The following STK24 variants were observed in gnomAD, a reference collection of about 807,000 sequenced individuals.
The protein encoded by STK24 is serine/threonine kinase 24.
Under a neutral mutation model 55.6 loss-of-function variants are expected in STK24, and 21 were observed. The observed-to-expected ratio is 0.38, with a 90% CI of 0.27 to 0.54. STK24 has a LOEUF of 0.54. STK24 is among the 20% of genes least tolerant of loss of function. The pLI, the probability that STK24 is intolerant of heterozygous loss-of-function variation, is 0.79. For synonymous variants in STK24, 200 were observed against 215.2 expected, an observed-to-expected ratio of 0.93 and a Z score of 0.62; for missense variants, 383 against 538.4, an observed-to-expected ratio of 0.71 and a Z score of 2.86.
intron 1 of STK24, among the ~76,000 whole-genome samples, chr13:98,524,819 A>G (rs1336863274): frequency 1.3e-5 from 2 of 152,176 alleles, no homozygotes; most frequent in South Asian, 2.1e-4. Context: ...GGCTTAGAAA[A>G]CAGCAATTTT....
intron 1 of STK24, among the ~76,000 whole-genome samples, chr13:98,568,667 G>T (rs1245726229): frequency 6.6e-6 from 1 of 151,986 alleles, no homozygotes; most frequent in East Asian, 1.9e-4. Context: ...AGGAGTTCGA[G>T]ACCTGCCTGC....
intron 1 of STK24, among the ~76,000 whole-genome samples, chr13:98,532,614 T>TA (rs1019009875): frequency 2.6e-5 from 4 of 152,170 alleles, no homozygotes; most frequent in Non-Finnish European, 5.9e-5. Context: ...GTCTCCAAAA[T>TA]AAAAATCAGT....
chr13:98,477,072 G>A (rs568977805), intron 3 of STK24, among the ~76,000 whole-genome samples: 24 of 152,288 alleles, frequency 1.6e-4, no homozygotes, highest in Admixed American at 1.0e-3. Flanking sequence ...AAGGCATTAC[G>A]CCACAGACTC....
intron 2 of STK24, among the ~76,000 whole-genome samples, chr13:98,503,056 T>C (rs1040693774): frequency 5.1e-5 from 7 of 138,372 alleles, no homozygotes; most frequent in African/African-American, 2.0e-4. Context: ...ATGGTACAAC[T>C]GACCACCAAC....
chr13:98,564,014 C>T (rs1191254547), intron 1 of STK24, among the ~76,000 whole-genome samples: 1 of 152,068 alleles, frequency 6.6e-6, no homozygotes, highest in Non-Finnish European at 1.5e-5. Flanking sequence ...AAATCCAGTA[C>T]ACCCTAATAA....
chr13:98,500,422 G>C (rs184802860), intron 2 of STK24, among the ~76,000 whole-genome samples: 31 of 152,254 alleles, frequency 2.0e-4, no homozygotes, highest in African/African-American at 7.2e-4. Flanking sequence ...GAGAGGGGAG[G>C]GGTGTCCCAC....
intron 1 of STK24, chr13:98,575,898 A>C (rs1897877371): frequency 2.4e-6 from 1 of 414,270 alleles, no homozygotes; most frequent in Admixed American, 6.4e-5. Context: ...GAAAACAACA[A>C]CAACAAAAAA....
In STK24 at chr13:98,576,613, C is replaced by G. The variant is rs1039344789; in HGVS notation, c.42+132G>C. 1.6e-5 allele frequency: 11 copies of G among 684,214 alleles called. No individual in the cohort carries two copies. In the Admixed American group the frequency reaches 5.2e-4, roughly 33 times the overall value. The allele number at this position is 684,214 out of a possible 1,614,324, so 42.4% of individuals were successfully genotyped here. On this transcript the variant is annotated intron_variant, in intron 1 of 10. Coordinates refer to ENST00000539966, the MANE Select transcript of STK24 (RefSeq NM_001032296.4). ...ACTCGGACTCGGACCCCCGGCCGAGCCGGGCGCGCGGGGAGCCAGGCTCCG... is the reference window on the plus strand; with the variant it reads ...ACTCGGACTCGGACCCCCGGCCGAGGCGGGCGCGCGGGGAGCCAGGCTCCG...
intron 3 of STK24, among the ~76,000 whole-genome samples, chr13:98,481,609 A>G (rs1298752438): frequency 6.6e-6 from 1 of 152,248 alleles, no homozygotes; most frequent in Non-Finnish European, 1.5e-5. Flanking sequence ...ATGAGATAAC[A>G]GCCCTACAAA....
chr13:98,564,134 G>T (rs1897505364), intron 1 of STK24, among the ~76,000 whole-genome samples: 1 of 152,106 alleles, frequency 6.6e-6, no homozygotes. Flanking sequence ...CCCAAACATT[G>T]AAAACTCTAC....
At chr13:98,467,353 G>A (rs4294654) in intron 5 of STK24, among the ~76,000 whole-genome samples, 38,465 of 151,910 alleles carry the variant, frequency 0.25, 4,992 homozygotes, top group Non-Finnish European at 0.29. Flanking sequence ...ACCTATCAGT[G>A]CCTGAAATTA....
intron 10 of STK24, chr13:98,454,634 G>GCTT (rs1893364962): frequency 6.6e-6 from 1 of 152,206 alleles, no homozygotes; most frequent in Non-Finnish European, 1.5e-5. Flanking sequence ...CTCTGAAAAT[G>GCTT]CTTCAGAGGA....
intron 1 of STK24, among the ~76,000 whole-genome samples, chr13:98,573,902 G>A (rs1420187844): frequency 1.3e-5 from 2 of 152,028 alleles, no homozygotes; most frequent in Non-Finnish European, 2.9e-5. Context: ...AGAATCAAGA[G>A]GCATAAAAAT....
At position 98,446,221 on chromosome 13, in the gene STK24, A is replaced by C. The variant is rs1431110504; in HGVS notation, c.*6952T>G. On this transcript the variant is annotated 3_prime_UTR_variant, in exon 11 of 11. Transcript: ENST00000539966. ...ATCACACCAGGTAAGTGTCTCGCAC[A>C]GGGCAGGTGGCCCTGGGACCTTGGG... 6.4e-7 allele frequency: 1 copy of C among 1,562,242 alleles called. No homozygotes were observed. Among genetic ancestry groups the C allele is most frequent in the South Asian group, 1.1e-5 (1 of 89,638 alleles).
chr13:98,507,195 A>G (rs1321289305), intron 2 of STK24, among the ~76,000 whole-genome samples: 1 of 152,260 alleles, frequency 6.6e-6, no homozygotes, highest in East Asian at 1.9e-4. Context: ...TAGAAGGAGA[A>G]CACACCACTG....
intron 1 of STK24, among the ~76,000 whole-genome samples, chr13:98,541,193 G>A (rs1236941642): frequency 6.6e-6 from 1 of 152,256 alleles, no homozygotes; most frequent in African/African-American, 2.4e-5. Flanking sequence ...ATAAGCTCTG[G>A]AAAACTTTGT....
At chr13:98,470,338 C>G (rs1894096061) in intron 5 of STK24, among the ~76,000 whole-genome samples, 1 of 152,114 alleles carries the variant, frequency 6.6e-6, no homozygotes, top group African/African-American at 2.4e-5. Flanking sequence ...GCTTTGTTGC[C>G]CAGGTTGGTC....
chr13:98,457,049 G>T, intron 10 of STK24, 119 bp downstream of exon 10: 1 of 1,221,466 alleles, frequency 8.2e-7, no homozygotes, highest in Non-Finnish European at 1.1e-6. Flanking sequence ...TGTCTACCCT[G>T]AGGCCTGCAA....
At chr13:98,525,882 G>A (rs1269158853) in intron 1 of STK24, among the ~76,000 whole-genome samples, 3 of 152,250 alleles carry the variant, frequency 2.0e-5, no homozygotes, top group East Asian at 3.8e-4. Flanking sequence ...GAAGGCACTC[G>A]AATACTGATT....
Sources: gnomAD v4.1 joint callset for allele counts (sites outside exome capture counted in the v4.1 genomes callset) on GRCh38, gnomAD v4.1.1 for gene constraint, MANE v1.5 for transcripts, NCBI Gene and HGNC (gene_info 2026-07-23, HGNC 2026-07-21) for gene names.